Variants in SYT1 observed in about 807,000 individuals in gnomAD.
SYT1 encodes synaptotagmin-1.
Under a neutral mutation model 44.8 loss-of-function variants are expected in SYT1, and 8 were observed. That is an observed-to-expected ratio of 0.18 (90% CI 0.10 to 0.32). The LOEUF (loss-of-function observed/expected upper bound fraction) is 0.32, where lower values mean the gene tolerates loss of function less well. Ranked by LOEUF, SYT1 falls within the 10% of genes least tolerant of loss-of-function variation. The pLI is 1.00. For missense variants in SYT1, 286 were observed against 509.3 expected (o/e 0.56, Z 4.22); for synonymous variants, 154 against 188.8 (o/e 0.82, Z 1.51).
intron 4 of SYT1, among the ~76,000 whole-genome samples, chr12:79,223,730 C>T (rs892553352): frequency 2.0e-4 from 30 of 152,148 alleles, no homozygotes; most frequent in African/African-American, 6.3e-4. Context: ...GTTTGCCATA[C>T]GAGCCTGAAG....
At chr12:79,081,797 T>A (rs1335973880) in intron 3 of SYT1, among the ~76,000 whole-genome samples, 1 of 152,164 alleles carries the variant, frequency 6.6e-6, no homozygotes, top group Non-Finnish European at 1.5e-5. Flanking sequence ...TAACAATTTG[T>A]TTCTCTGATG....
chr12:79,102,431 C>T (rs1264012624), intron 3 of SYT1, among the ~76,000 whole-genome samples: 1 of 152,150 alleles, frequency 6.6e-6, no homozygotes, highest in Non-Finnish European at 1.5e-5. Flanking sequence ...CAAGGTCATT[C>T]CTAAGGGCCC....
intron 2 of SYT1, among the ~76,000 whole-genome samples, chr12:79,005,953 G>T (rs771199149): frequency 6.6e-6 from 1 of 152,058 alleles, no homozygotes. Context: ...TTGGATAGGC[G>T]CTCTGTTTGC....
chr12:79,127,412 GT>G (rs1364772845), intron 3 of SYT1, among the ~76,000 whole-genome samples: 1 of 151,666 alleles, frequency 6.6e-6, no homozygotes, highest in Non-Finnish European at 1.5e-5. Context: ...ACAGATTGTG[GT>G]TCTAGAGCTT....
At chr12:79,401,102 A>G (rs1217581535) in intron 9 of SYT1, among the ~76,000 whole-genome samples, 1 of 152,180 alleles carries the variant, frequency 6.6e-6, no homozygotes, top group Non-Finnish European at 1.5e-5. Context: ...CATTGTTATT[A>G]TAATACATAT....
intron 1 of SYT1, among the ~76,000 whole-genome samples, chr12:78,974,074 T>C (rs1475235177): frequency 6.8e-6 from 1 of 148,110 alleles, no homozygotes; most frequent in Non-Finnish European, 1.5e-5. Context: ...AGAGTGTACT[T>C]ACACAAACCT....
At chr12:79,350,985 C>T (rs1329911919) in intron 8 of SYT1, among the ~76,000 whole-genome samples, 1 of 152,262 alleles carries the variant, frequency 6.6e-6, no homozygotes, top group South Asian at 2.1e-4. Context: ...TTAATATAAA[C>T]TACACATTCA....
intron 3 of SYT1, among the ~76,000 whole-genome samples, chr12:79,210,493 A>G (rs1008495043): frequency 6.6e-6 from 1 of 152,170 alleles, no homozygotes; most frequent in East Asian, 1.9e-4. Flanking sequence ...GTGAGAACAT[A>G]CAATGTTTGG....
intron 2 of SYT1, among the ~76,000 whole-genome samples, chr12:79,003,558 G>A (rs1870879414): frequency 6.6e-6 from 1 of 152,012 alleles, no homozygotes; most frequent in South Asian, 2.1e-4. Context: ...ATGAAGTTAA[G>A]TAAATAATGT....
At chr12:78,993,705 G>A (rs958573192) in intron 2 of SYT1, among the ~76,000 whole-genome samples, 17 of 152,154 alleles carry the variant, frequency 1.1e-4, no homozygotes, top group Non-Finnish European at 1.9e-4. Flanking sequence ...TGATACTTTG[G>A]TTTTTTGGCC....
chr12:79,236,945 T>C (rs1453705277), intron 4 of SYT1, among the ~76,000 whole-genome samples: 1 of 152,178 alleles, frequency 6.6e-6, no homozygotes, highest in Non-Finnish European at 1.5e-5. Flanking sequence ...TAGTTAAAGA[T>C]GAGCCAGGAA....
intron 2 of SYT1, among the ~76,000 whole-genome samples, chr12:78,994,308 T>G (rs1012869573): frequency 6.6e-6 from 1 of 152,152 alleles, no homozygotes; most frequent in Non-Finnish European, 1.5e-5. Flanking sequence ...CATTAGTTGT[T>G]CTCATATATT....
intron 3 of SYT1, among the ~76,000 whole-genome samples, chr12:79,067,582 T>G (rs534794409): frequency 5.9e-5 from 9 of 152,316 alleles, no homozygotes; most frequent in African/African-American, 2.2e-4. Context: ...TCCAAAAACT[T>G]TTACATTAAC....
chr12:78,970,544 A>G (rs999340262), intron 1 of SYT1, among the ~76,000 whole-genome samples: 1 of 152,212 alleles, frequency 6.6e-6, no homozygotes, highest in East Asian at 1.9e-4. Context: ...CATGTTTAAG[A>G]GCAAGGTCTT....
At chr12:79,366,253 A>C (rs553709244) in intron 9 of SYT1, among the ~76,000 whole-genome samples, 20 of 152,242 alleles carry the variant, frequency 1.3e-4, no homozygotes, top group Non-Finnish European at 2.9e-4. Context: ...AAGATATGTT[A>C]GTGTTTTATG....
intron 9 of SYT1, among the ~76,000 whole-genome samples, chr12:79,361,475 A>AT (rs1883312863): frequency 6.6e-6 from 1 of 152,186 alleles, no homozygotes; most frequent in South Asian, 2.1e-4. Context: ...AGTTTGAAAG[A>AT]TGTCCAAAAG....
intron 1 of SYT1, among the ~76,000 whole-genome samples, chr12:78,901,039 C>T (rs983817384): frequency 6.6e-6 from 1 of 152,004 alleles, no homozygotes; most frequent in African/African-American, 2.4e-5. Flanking sequence ...TTCACTATAT[C>T]CTTCATAAAA....
intron 3 of SYT1, among the ~76,000 whole-genome samples, chr12:79,215,211 A>G (rs1468298641): frequency 6.6e-6 from 1 of 152,174 alleles, no homozygotes; most frequent in Non-Finnish European, 1.5e-5. Context: ...AAGTGCTATT[A>G]GAGATGTGTG....
intron 1 of SYT1, among the ~76,000 whole-genome samples, chr12:78,959,188 A>G (rs1265058551): frequency 6.6e-6 from 1 of 152,212 alleles, no homozygotes; most frequent in Non-Finnish European, 1.5e-5. Context: ...GTTATGAAAT[A>G]AAAGACTAAA....
Sources: gnomAD v4.1 joint callset for allele counts (sites outside exome capture counted in the v4.1 genomes callset) on GRCh38, gnomAD v4.1.1 for gene constraint, MANE v1.5 for transcripts, NCBI Gene and HGNC (gene_info 2026-07-23, HGNC 2026-07-21) for gene names.